PAPOLA: variants seen among roughly 807,000 people sequenced by gnomAD.
PAPOLA encodes the protein polynucleotide adenylyltransferase alpha.
PAPOLA carries 15 observed loss-of-function variants against 100.6 expected under a neutral mutation model. The observed-to-expected ratio is 0.15, with a 90% CI of 0.10 to 0.23. PAPOLA has a LOEUF of 0.23. Among genes scored for constraint, PAPOLA ranks in the 10% least tolerant of loss-of-function variants. The pLI is 1.00. For missense variants in PAPOLA, 533 were observed against 884.2 expected (o/e 0.60, Z 5.04); for synonymous variants, 293 against 300.0 (o/e 0.98, Z 0.24).
intron 6 of PAPOLA, among the ~76,000 whole-genome samples, chr14:96,528,974 A>G (rs1178071004): frequency 6.6e-6 from 1 of 152,208 alleles, no homozygotes; most frequent in Non-Finnish European, 1.5e-5. Context: ...ATTTTCCTAA[A>G]AAGAATATTA....
At chr14:96,534,241 A>C in intron 9 of PAPOLA, 1 of 1,313,774 alleles carries the variant, frequency 7.6e-7, no homozygotes, top group Non-Finnish European at 9.7e-7. Flanking sequence ...TAGTCCTTTA[A>C]AGTTCTTTGA....
chr14:96,534,360 A>G, intron 9 of PAPOLA, 131 bp from the exon 10 acceptor site: 1 of 1,478,564 alleles, frequency 6.8e-7, no homozygotes, highest in African/African-American at 1.4e-5. Context: ...GTCAGAAAGG[A>G]TTAAAACGTT....
intron 1 of PAPOLA, among the ~76,000 whole-genome samples, chr14:96,503,801 T>C (rs550612447): frequency 6.6e-6 from 1 of 152,320 alleles, no homozygotes; most frequent in South Asian, 2.1e-4. Context: ...GATTGTAGTT[T>C]TACAATTATA....
rs1269700851 is a variant in PAPOLA, at chr14:96,533,334, T to C, written c.836+685T>C. The C allele has an allele frequency of 3.1e-6, 3 of 983,206 alleles. No homozygotes were observed. In the African/African-American group the frequency reaches 5.2e-5, roughly 17 times the overall value. The allele number at this position is 983,206 out of a possible 1,614,324, so 60.9% of individuals were successfully genotyped here. A position where few individuals can be genotyped will look rare whatever the true frequency, so the allele number is the denominator to read the frequency against. ...GATAAATCGTCCATTCCTGTTCTTA[T>C]GAACTCCTGCTCCTCCCTCTGCAAA... On this transcript the variant is annotated intron_variant, in intron 9 of 21. Coordinates refer to ENST00000216277, the MANE Select transcript of PAPOLA (RefSeq NM_032632.5).
Position 96,556,378 on chromosome 14 carries a change from A to G in PAPOLA, c.1969A>G (p.Lys657Glu), listed in dbSNP as rs1195114696. 1.9e-6 allele frequency: 3 copies of G among 1,613,780 alleles called. No individual in the cohort carries two copies. Among genetic ancestry groups the G allele is most frequent in the Non-Finnish European group, 1.7e-6 (2 of 1,179,664 alleles). The change falls in exon 19 of 22, where the codon AAA becomes GAA. Residue 657 changes from lysine (K) to glutamate (E), a missense_variant. Around this residue, in one of 9 missense-constraint regions of PAPOLA, gnomAD observed 242 missense variants for 281.0 expected, o/e 0.86. Coordinates refer to ENST00000216277, the MANE Select transcript of PAPOLA (RefSeq NM_032632.5). Reference protein sequence around the residue: ...VGVKRTSSPHKEESPKKTKTE... With the variant: ...VGVKRTSSPHEEESPKKTKTE... ...AGTCAAGAGGACATCCTCACCTCAT[A>G]AAGAAGAGAGTCCCAAGAAAACCAA...
Position 96,502,742 on chromosome 14 carries a change from C to T in PAPOLA, c.8+142C>T, listed in dbSNP as rs376508834. The T allele has an allele frequency of 1.2e-3, 1,041 of 837,242 alleles. 13 individuals are homozygous for T. In the African/African-American group the frequency reaches 0.018, roughly 14 times the overall value. 51.9% of individuals were successfully genotyped at this position (837,242 alleles called of 1,614,324 possible). A position where few individuals can be genotyped will look rare whatever the true frequency, so the allele number is the denominator to read the frequency against. On this transcript the variant is annotated intron_variant, in intron 1 of 21. Transcript: ENST00000216277. The stretch of plus-strand genomic sequence containing the variant: ...GGAGGCAGGCAGGACTGGGGACCTT[C>T]CTGTTTCCTCGCTCGCTCGCCGCCG...
chr14:96,566,006 C>A lies in PAPOLA; in HGVS notation c.*956C>A. ...ATGGCACAGAACACTAAATTTTGGT[C>A]CCATGGCTGAAACTTGAGGGTGACT... On this transcript the variant is annotated 3_prime_UTR_variant, in exon 22 of 22. Transcript: ENST00000216277. 2.5e-6 allele frequency: 1 copy of A among 397,466 alleles called. No homozygotes were observed. Among genetic ancestry groups the A allele is most frequent in the South Asian group, 1.3e-4 (1 of 7,568 alleles). The allele number at this position is 397,466 out of a possible 1,614,324, so 24.6% of individuals were successfully genotyped here. A position where few individuals can be genotyped will look rare whatever the true frequency, so the allele number is the denominator to read the frequency against.
rs1902236640 is a variant in PAPOLA at position 96,565,925 on chromosome 14, A to G, written c.*875A>G. The G allele has an allele frequency of 2.5e-6, 1 of 398,422 alleles. No homozygotes were observed. Among genetic ancestry groups the G allele is most frequent in the African/African-American group, 2.1e-5 (1 of 48,592 alleles). 24.7% of individuals were successfully genotyped at this position (398,422 alleles called of 1,614,324 possible). Reference sequence around the variant, plus strand: ...CAAGGTAGGACTTACTTCGTAAGAAACAAAATGCCAGTATTTTCTTAAGCC... The same window carrying G: ...CAAGGTAGGACTTACTTCGTAAGAAGCAAAATGCCAGTATTTTCTTAAGCC... On this transcript the variant is annotated 3_prime_UTR_variant, in exon 22 of 22. Transcript: ENST00000216277.
chr14:96,530,301 A>G (rs1898878980), intron 6 of PAPOLA, among the ~76,000 whole-genome samples: 1 of 152,202 alleles, frequency 6.6e-6, no homozygotes, highest in Non-Finnish European at 1.5e-5. Context: ...TAATACATCA[A>G]ACTTGATAAT....
rs1902254815 is a variant in PAPOLA at position 96,566,160 on chromosome 14, G to A, written c.*1110G>A. 1 of 378,848 alleles carries A rather than the reference G, an allele frequency of 2.6e-6. No individual in the cohort carries two copies. The allele number at this position is 378,848 out of a possible 1,614,324, so 23.5% of individuals were successfully genotyped here. On this transcript the variant is annotated 3_prime_UTR_variant, in exon 22 of 22. Transcript: ENST00000216277. ...TTTCAGTTTTAAATGTGGGCAAAAA[G>A]GCATTTTCTCCAAGATTTTAAAACT...
At chr14:96,532,819 T>C in intron 9 of PAPOLA, 170 bp downstream of exon 9, 2 of 1,341,150 alleles carry the variant, frequency 1.5e-6, no homozygotes, top group Non-Finnish European at 1.9e-6. Flanking sequence ...TGAAACTATT[T>C]TTTTTCCCTA....
intron 1 of PAPOLA, among the ~76,000 whole-genome samples, chr14:96,503,673 C>T (rs1238403609): frequency 6.6e-6 from 1 of 151,978 alleles, no homozygotes; most frequent in African/African-American, 2.4e-5. Context: ...GTAATTGACA[C>T]TCAAAGTTTT....
chr14:96,564,937 C>T lies in PAPOLA; in HGVS notation c.2143-18C>T, dbSNP rs1208476409. 1.6e-6 allele frequency: 2 copies of T among 1,283,098 alleles called. No homozygotes were observed. Among genetic ancestry groups the T allele is most frequent in the South Asian group, 2.4e-5 (2 of 84,104 alleles). 79.5% of individuals were successfully genotyped at this position (1,283,098 alleles called of 1,614,324 possible). On this transcript the variant is annotated intron_variant, in intron 21 of 21. Coordinates refer to ENST00000216277, the MANE Select transcript of PAPOLA (RefSeq NM_032632.5). ...ATGGTGCTTTGAACAATGTTGTGTT[C>T]TTTGCTTTCATTCTCAGAAAACATC...
At chr14:96,547,702 A>G in intron 15 of PAPOLA, 95 bp from the exon 16 acceptor site, 1 of 919,620 alleles carries the variant, frequency 1.1e-6, no homozygotes, top group Non-Finnish European at 1.6e-6. Context: ...TATTGATGGA[A>G]AAAGGATCCC....
At chr14:96,532,760 T>C in intron 9 of PAPOLA, 111 bp downstream of exon 9, 3 of 1,431,174 alleles carry the variant, frequency 2.1e-6, no homozygotes, top group Non-Finnish European at 2.7e-6. Flanking sequence ...GTTCATGATG[T>C]AGTCATGTAG....
At chr14:96,535,827 G>T (rs1171389324) in intron 10 of PAPOLA, 52 bp from the exon 11 acceptor site, 2 of 1,401,434 alleles carry the variant, frequency 1.4e-6, no homozygotes, top group Non-Finnish European at 1.9e-6. Flanking sequence ...AAAAGCCCAA[G>T]TATCTGTTGC....
chr14:96,555,405 C>T (rs1326267676), intron 17 of PAPOLA, among the ~76,000 whole-genome samples: 5 of 151,370 alleles, frequency 3.3e-5, no homozygotes, highest in Non-Finnish European at 7.4e-5. Context: ...GATTTTTGTT[C>T]GAAAAAATCC....
intron 1 of PAPOLA, among the ~76,000 whole-genome samples, chr14:96,508,998 G>C (rs1386132910): frequency 1.3e-5 from 2 of 152,152 alleles, no homozygotes; most frequent in Admixed American, 1.3e-4. Flanking sequence ...ATCTCCTGTG[G>C]ACACTGTAGG....
At chr14:96,504,653 A>C (rs578119783) in intron 1 of PAPOLA, 1 of 152,400 alleles carries the variant, frequency 6.6e-6, no homozygotes, top group Non-Finnish European at 1.5e-5. Context: ...GTGAGCCTTG[A>C]TCATGCCACT....
Sources: gnomAD v4.1 joint callset for allele counts (sites outside exome capture counted in the v4.1 genomes callset) on GRCh38, gnomAD v4.1.1 for gene constraint, gnomAD v4.1.1 regional missense constraint, MANE v1.5 for transcripts, NCBI Gene and HGNC (gene_info 2026-07-23, HGNC 2026-07-21) for gene names.